The following DYNLT2B variants were observed in gnomAD, a reference collection of about 807,000 sequenced individuals.
DYNLT2B encodes the protein dynein light chain Tctex-type protein 2B.
Under a neutral mutation model 19.5 loss-of-function variants are expected in DYNLT2B, and 14 were observed. That is an observed-to-expected ratio of 0.72 (90% CI 0.47 to 1.12). The LOEUF is 1.12. Ranked by LOEUF, DYNLT2B falls within the 50% of genes most tolerant of loss-of-function variation. The probability of loss-of-function intolerance (pLI) is 0.00; values close to 1 mark genes in which losing one functional copy is unlikely to be tolerated. For missense variants in DYNLT2B, 133 were observed against 174.7 expected (o/e 0.76, Z 1.35); for synonymous variants, 70 against 59.7 (o/e 1.17, Z -0.79).
At chr3:196,298,099 C>G (rs1726266792) in intron 3 of DYNLT2B, 1 of 321,820 alleles carries the variant, frequency 3.1e-6, no homozygotes, top group African/African-American at 2.2e-5. Context: ...TGTCTCCTTT[C>G]CAGTTGTGCC....
intron 2 of DYNLT2B, among the ~76,000 whole-genome samples, chr3:196,313,442 C>T (rs944389655): frequency 6.6e-6 from 1 of 152,076 alleles, no homozygotes; most frequent in Non-Finnish European, 1.5e-5. Context: ...GAGATCCGCC[C>T]GCCTCAACCT....
At chr3:196,291,478 A>C in intron 4 of DYNLT2B, 104 bp from the exon 5 acceptor site, 1 of 1,303,732 alleles carries the variant, frequency 7.7e-7, no homozygotes. Context: ...AGATCTTTCC[A>C]ATTTTTTTTT....
Position 196,300,720 on chromosome 3 carries a change from ACT to A in DYNLT2B, c.318-4653_318-4652del, listed in dbSNP as rs201338706. 4.0e-5 allele frequency among the ~76,000 whole-genome samples: 5 copies of A among 125,784 alleles called. No individual in the cohort carries two copies. The East Asian group carries it at 1.3e-3, about 33-fold the overall frequency. The allele number at this position is 125,784 out of a possible 152,430, so 82.5% of individuals were successfully genotyped here. On this transcript the variant is annotated intron_variant, in intron 3 of 4. Transcript: ENST00000325318. ...CTCCAGCCTGGGCAACAAGAATGAA[ACT>A]CTGTCTCCAAAAAAAAAAAAAAAAA...
At chr3:196,312,283 G>T (rs898687782) in intron 2 of DYNLT2B, among the ~76,000 whole-genome samples, 1 of 152,066 alleles carries the variant, frequency 6.6e-6, no homozygotes, top group African/African-American at 2.4e-5. Context: ...CTCCCAAAGT[G>T]CTGGGAATAC....
Position 196,316,183 on chromosome 3 carries a change from C to T in DYNLT2B, c.162G>A (p.Glu54=), listed in dbSNP as rs779993454. The stretch of plus-strand genomic sequence containing the variant: ...GAGAATATTCAGCATTTGCCAGTTC[C>T]TCCTTGAGCACAGCATGGATACAGT... ...VKDCIHAVLK[E]ELANAEYSPE... Residue 54 remains glutamate, a synonymous_variant, in exon 2 of 5, where the codon GAG becomes GAA. Transcript: ENST00000325318. 1 of 1,613,806 alleles carries T rather than the reference C, an allele frequency of 6.2e-7. No individual in the cohort carries two copies. The highest frequency in any genetic ancestry group is 8.5e-7 in the Non-Finnish European group (1 of 1,179,876).
At chr3:196,316,317 C>A in intron 1 of DYNLT2B, 86 bp from the exon 2 acceptor site, 2 of 1,355,108 alleles carry the variant, frequency 1.5e-6, no homozygotes, top group South Asian at 3.1e-5. Flanking sequence ...ATCTTTTTGT[C>A]ATTAGTACCA....
At position 196,318,238 on chromosome 3, in the gene DYNLT2B, G is replaced by C; in HGVS notation, c.-86C>G. ...CCGGCAGCAGGGAAAGCGTCTCCAGGGCAACAGGGCCGCCCTCCCGCCTCG... is the reference window on the plus strand; with the variant it reads ...CCGGCAGCAGGGAAAGCGTCTCCAGCGCAACAGGGCCGCCCTCCCGCCTCG... On this transcript the variant is annotated 5_prime_UTR_variant, in exon 1 of 5. Transcript: ENST00000325318. 1 of 661,072 alleles carries C rather than the reference G, an allele frequency of 1.5e-6. No homozygotes were observed. The highest frequency in any genetic ancestry group is 2.3e-6 in the Non-Finnish European group (1 of 433,664). 41.0% of individuals were successfully genotyped at this position (661,072 alleles called of 1,614,324 possible). A position where few individuals can be genotyped will look rare whatever the true frequency, so the allele number is the denominator to read the frequency against.
chr3:196,315,208 C>T (rs1195798268), intron 2 of DYNLT2B: 1 of 426,066 alleles, frequency 2.3e-6, no homozygotes, highest in Admixed American at 2.9e-5. Context: ...TTAATAGAAT[C>T]CACAGCTAAC....
intron 2 of DYNLT2B, among the ~76,000 whole-genome samples, chr3:196,311,869 T>C (rs1726653744): frequency 6.6e-6 from 1 of 151,912 alleles, no homozygotes; most frequent in Non-Finnish European, 1.5e-5. Flanking sequence ...GTCAGGAGTT[T>C]GGGACTAGCA....
chr3:196,303,005 G>A (rs1304183935), intron 3 of DYNLT2B, among the ~76,000 whole-genome samples: 1 of 151,830 alleles, frequency 6.6e-6, no homozygotes, highest in Non-Finnish European at 1.5e-5. Flanking sequence ...CATGCAGCTG[G>A]AGGCTACAAG....
chr3:196,296,197 G>GT, intron 3 of DYNLT2B, 128 bp from the exon 4 acceptor site: 2 of 763,242 alleles, frequency 2.6e-6, no homozygotes, highest in Non-Finnish European at 4.5e-6. Flanking sequence ...TTCACAGGTA[G>GT]GTACCCACAG....
chr3:196,304,540 T>C (rs1282121912), intron 3 of DYNLT2B, among the ~76,000 whole-genome samples: 2 of 151,950 alleles, frequency 1.3e-5, no homozygotes, highest in South Asian at 2.1e-4. Flanking sequence ...CCCAGGACTT[T>C]AGAAGGCCGA....
intron 3 of DYNLT2B, among the ~76,000 whole-genome samples, chr3:196,297,093 T>C (rs1247111311): frequency 6.7e-6 from 1 of 149,564 alleles, no homozygotes; most frequent in Non-Finnish European, 1.5e-5. Flanking sequence ...CTCAGGAGGC[T>C]GGTGTGAACC....
At chr3:196,309,154 G>A (rs991201535) in intron 2 of DYNLT2B, among the ~76,000 whole-genome samples, 14 of 152,346 alleles carry the variant, frequency 9.2e-5, no homozygotes, top group Admixed American at 4.6e-4. Flanking sequence ...CATGGCTCAC[G>A]CCTGTAATCC....
chr3:196,315,176 G>A (rs1276327885), intron 2 of DYNLT2B: 4 of 419,044 alleles, frequency 9.5e-6, no homozygotes, highest in Non-Finnish European at 1.9e-5. Context: ...GAGAAGACAA[G>A]ACACTGAAGA....
intron 2 of DYNLT2B, among the ~76,000 whole-genome samples, chr3:196,311,477 TAAC>T (rs1293950714): frequency 6.6e-6 from 1 of 150,688 alleles, no homozygotes; most frequent in Non-Finnish European, 1.5e-5. Flanking sequence ...TGGCTCAACA[TAAC>T]AATATTTGGT....
intron 2 of DYNLT2B, among the ~76,000 whole-genome samples, chr3:196,308,578 G>A (rs1726552950): frequency 6.6e-6 from 1 of 152,198 alleles, no homozygotes; most frequent in Non-Finnish European, 1.5e-5. Context: ...CCAAGGAATA[G>A]TGGAAAGAGT....
chr3:196,297,758 G>A (rs1333305005), intron 3 of DYNLT2B, among the ~76,000 whole-genome samples: 1 of 151,996 alleles, frequency 6.6e-6, no homozygotes, highest in African/African-American at 2.4e-5. Flanking sequence ...AGTGTACAAG[G>A]TCATACAACT....
intron 2 of DYNLT2B, among the ~76,000 whole-genome samples, chr3:196,314,730 G>A (rs1439434123): frequency 6.6e-6 from 1 of 151,388 alleles, no homozygotes; most frequent in Non-Finnish European, 1.5e-5. Flanking sequence ...GCTGAGATGG[G>A]AGGATCGCTT....
Sources: gnomAD v4.1 joint callset for allele counts (sites outside exome capture counted in the v4.1 genomes callset) on GRCh38, gnomAD v4.1.1 for gene constraint, MANE v1.5 for transcripts, NCBI Gene and HGNC (gene_info 2026-07-23, HGNC 2026-07-21) for gene names.